Variants in PPA1 observed in about 807,000 individuals in gnomAD.
The protein encoded by PPA1 is inorganic pyrophosphatase.
Under a neutral mutation model 41.8 loss-of-function variants are expected in PPA1, and 23 were observed. The observed-to-expected ratio is 0.55, with a 90% CI of 0.40 to 0.78. PPA1 has a LOEUF of 0.78. Among genes scored for constraint, PPA1 ranks in the 30% least tolerant of loss-of-function variants. The pLI is 0.00. For synonymous variants in PPA1, 101 were observed against 116.8 expected (o/e 0.86, Z 0.87); for missense variants, 320 against 361.6 (o/e 0.89, Z 0.93).
At chr10:70,224,645 A>G (rs1476175719) in intron 2 of PPA1, among the ~76,000 whole-genome samples, 2 of 152,248 alleles carry the variant, frequency 1.3e-5, no homozygotes, top group Admixed American at 1.3e-4. Context: ...TATAGGGAAC[A>G]TGCTCTTAAT....
In PPA1 at chr10:70,213,542, C is replaced by T. The variant is rs755367921; in HGVS notation, c.432G>A (p.Leu144=). The change falls in exon 6 of 11, where the codon TTG becomes TTA. Residue 144 remains leucine (L), a synonymous_variant. Coordinates refer to ENST00000373232, the MANE Select transcript of PPA1 (RefSeq NM_021129.4). The part of the protein sequence containing the change: ...EIIGVKVLGI[L]AMIDEGETDW... ...CGGTTTCCCCTTCGTCAATCATAGC[C>T]AATATGCCTAGAACTTTCACGCCAA... 9.3e-6 allele frequency: 15 copies of T among 1,614,002 alleles called. No homozygotes were observed. Among genetic ancestry groups the T allele is most frequent in the Non-Finnish European group, 1.3e-5 (15 of 1,179,904 alleles).
At chr10:70,220,112 T>A (rs1367056306) in intron 2 of PPA1, among the ~76,000 whole-genome samples, 1 of 151,912 alleles carries the variant, frequency 6.6e-6, no homozygotes, top group East Asian at 1.9e-4. Context: ...GTATTTTTAG[T>A]AGAGATGGAG....
rs1252761122 is a variant in PPA1, at chr10:70,233,298, G to C, written c.30C>G (p.Ala10=). MSGFSTEER[A]APFSLEYRVF... ...CTCGGTACTCCAGGGAGAAGGGCGC[G>C]GCGCGCTCCTCGGTGCTGAAGCCGC... The change falls in exon 1 of 11, where the codon GCC becomes GCG. Residue 10 remains alanine (A), a synonymous_variant. Transcript: ENST00000373232. The C allele has an allele frequency of 3.9e-6, 6 of 1,542,576 alleles. No homozygotes were observed. Among genetic ancestry groups the C allele is most frequent in the Non-Finnish European group, 5.2e-6 (6 of 1,144,566 alleles).
At chr10:70,208,862 G>A (rs995614536) in intron 8 of PPA1, among the ~76,000 whole-genome samples, 11 of 149,970 alleles carry the variant, frequency 7.3e-5, no homozygotes, top group African/African-American at 4.9e-5. Flanking sequence ...GTACGATCAC[G>A]GCTCACTGCA....
intron 9 of PPA1, chr10:70,205,151 G>T: frequency 3.5e-6 from 1 of 283,798 alleles, no homozygotes; most frequent in Non-Finnish European, 6.5e-6. Context: ...TCGGGAGGCT[G>T]AAGTGGGTGG....
At position 70,209,666 on chromosome 10, in the gene PPA1, C is replaced by T. The variant is rs147732490; in HGVS notation, c.531G>A (p.Arg177=). 5.1e-4 allele frequency: 819 copies of T among 1,600,358 alleles called. No individual in the cohort carries two copies. Among genetic ancestry groups the T allele is most frequent in the Non-Finnish European group, 6.6e-4 (776 of 1,171,182 alleles). The change falls in exon 7 of 11, where the codon CGG becomes CGA. Residue 177 remains arginine, a synonymous_variant. Coordinates refer to ENST00000373232, the MANE Select transcript of PPA1 (RefSeq NM_021129.4). ...ANYNDINDVK[R]LKPGYLEATV... ...TAGCTTCTAAGTAGCCAGGTTTCAG[C>T]CGTTTGACATCATTGATATCTAAGA...
Position 70,206,319 on chromosome 10 carries a change from A to C in PPA1, c.740T>G (p.Leu247Trp). ...ATCACACTTGAAGGGGCTCTCAGAC[A>C]AAGTTGTATTCATGCTATTAAATAA... ...GKGISCMNTT[L>W]SESPFKCDPD... is the part of the protein sequence containing the mutation. The change falls in exon 9 of 11, where the codon TTG (leucine) becomes TGG (tryptophan). Residue 247 changes from leucine to tryptophan, a missense_variant. Leu to Trp is a moderately conservative substitution (Grantham distance 61). Coordinates refer to ENST00000373232, the MANE Select transcript of PPA1 (RefSeq NM_021129.4). The C allele has an allele frequency of 6.2e-7, 1 of 1,612,438 alleles. No homozygotes were observed. Among genetic ancestry groups the C allele is most frequent in the South Asian group, 1.1e-5 (1 of 91,050 alleles).
intron 4 of PPA1, among the ~76,000 whole-genome samples, chr10:70,216,573 T>C (rs1467085013): frequency 2.0e-5 from 3 of 152,196 alleles, no homozygotes; most frequent in South Asian, 2.1e-4. Flanking sequence ...CCTAACAAGC[T>C]AGATGGGTCA....
rs1181374994 is a variant in PPA1 at position 70,206,708 on chromosome 10, G to A, written c.726-375C>T. On this transcript the variant is annotated intron_variant, in intron 8 of 10. Transcript: ENST00000373232. Reference sequence around the variant, plus strand: ...AAAATACAAAAATTAGCCGGGCATGGTGGCGCATGCCTGTAGTCCCAGCTA... The same window carrying A: ...AAAATACAAAAATTAGCCGGGCATGATGGCGCATGCCTGTAGTCCCAGCTA... Among the ~76,000 whole-genome samples, 4 of 151,416 alleles carry A rather than the reference G, an allele frequency of 2.6e-5. No homozygotes were observed. The East Asian group carries it at 7.8e-4, about 29-fold the overall frequency.
At chr10:70,222,810 T>C (rs1388074738) in intron 2 of PPA1, among the ~76,000 whole-genome samples, 2 of 151,720 alleles carry the variant, frequency 1.3e-5, no homozygotes, top group Non-Finnish European at 2.9e-5. Flanking sequence ...ATTAGGTATA[T>C]CTCCTAATAC....
Position 70,204,918 on chromosome 10 carries a change from A to G in PPA1, c.796-3T>C. ...GCAGATTCACAGGGTGGTGGTAACT[A>G]AAATATAAAATATTAAAATCTATTA... On this transcript the variant is annotated splice_polypyrimidine_tract_variant and splice_region_variant and intron_variant, in intron 9 of 10. Transcript: ENST00000373232. 1 of 1,579,946 alleles carries G rather than the reference A, an allele frequency of 6.3e-7. No homozygotes were observed.
intron 4 of PPA1, 47 bp from the exon 5 acceptor site, chr10:70,214,633 A>G: frequency 2.8e-6 from 4 of 1,446,928 alleles, no homozygotes; most frequent in Non-Finnish European, 3.9e-6. Flanking sequence ...TACTGACAAA[A>G]TGGATCATGT....
chr10:70,230,998 C>T (rs1840285108), intron 1 of PPA1, among the ~76,000 whole-genome samples: 1 of 152,118 alleles, frequency 6.6e-6, no homozygotes, highest in African/African-American at 2.4e-5. Context: ...TTTACAGAAC[C>T]ATTATGAAGT....
At chr10:70,227,899 A>AT (rs931152872) in intron 2 of PPA1, among the ~76,000 whole-genome samples, 47 of 152,144 alleles carry the variant, frequency 3.1e-4, no homozygotes, top group African/African-American at 9.4e-4. Context: ...ATCACAATAG[A>AT]TTTTTTATAC....
intron 2 of PPA1, among the ~76,000 whole-genome samples, chr10:70,219,828 GTTAT>G (rs1447726924): frequency 2.0e-5 from 3 of 152,040 alleles, no homozygotes; most frequent in African/African-American, 7.2e-5. Flanking sequence ...TATGCCATAG[GTTAT>G]TTAATTAAAC....
chr10:70,202,856 T>C lies in PPA1; in HGVS notation c.*299A>G, dbSNP rs1839898644. On this transcript the variant is annotated 3_prime_UTR_variant, in exon 11 of 11. Coordinates refer to ENST00000373232, the MANE Select transcript of PPA1 (RefSeq NM_021129.4). ...CAAGTTTCAGCAAAATAATTTTATT[T>C]CCTAACATATGGTAACATATACATC... 3.8e-6 allele frequency: 1 copy of C among 260,036 alleles called. No homozygotes were observed. The allele number at this position is 260,036 out of a possible 1,614,324, so 16.1% of individuals were successfully genotyped here. A position where few individuals can be genotyped will look rare whatever the true frequency, so the allele number is the denominator to read the frequency against.
rs764349146 is a variant in PPA1, at chr10:70,204,920, A to G, written c.796-5T>C. The G allele has an allele frequency of 6.3e-7, 1 of 1,580,900 alleles. No individual in the cohort carries two copies. Among genetic ancestry groups the G allele is most frequent in the South Asian group, 1.1e-5 (1 of 87,460 alleles). ...AGATTCACAGGGTGGTGGTAACTAA[A>G]ATATAAAATATTAAAATCTATTAGT... On this transcript the variant is annotated splice_polypyrimidine_tract_variant and splice_region_variant and intron_variant, in intron 9 of 10. Transcript: ENST00000373232.
chr10:70,232,212 G>T (rs762323187), intron 1 of PPA1, among the ~76,000 whole-genome samples: 1 of 151,954 alleles, frequency 6.6e-6, no homozygotes, highest in Non-Finnish European at 1.5e-5. Flanking sequence ...CTATTCATTC[G>T]TCTCCTCTAC....
intron 2 of PPA1, among the ~76,000 whole-genome samples, chr10:70,220,890 CTA>C (rs1165898354): frequency 1.3e-3 from 11 of 8,262 alleles, no homozygotes; most frequent in South Asian, 2.7e-3. Flanking sequence ...TTTATATATA[CTA>C]TATATATAAT....
Sources: allele counts gnomAD v4.1 joint callset (sites outside exome capture counted in the v4.1 genomes callset), GRCh38; gene constraint gnomAD v4.1.1; transcripts MANE v1.5; gene names NCBI Gene and HGNC (gene_info 2026-07-23, HGNC 2026-07-21).